The following GLIS3 variants were observed in gnomAD, a reference collection of about 807,000 sequenced individuals.
GLIS3 encodes zinc finger protein GLIS3.
GLIS3 carries 53 observed loss-of-function variants against 78.6 expected under a neutral mutation model. The ratio of observed to expected loss-of-function variants is 0.67; its 90% CI spans 0.54 to 0.85. The LOEUF is 0.85. Ranked by LOEUF, GLIS3 falls within the 40% of genes least tolerant of loss-of-function variation. The pLI, the probability that GLIS3 is intolerant of heterozygous loss-of-function variation, is 0.00. For missense variants in GLIS3, 1,703 were observed against 1,231.1 expected, an observed-to-expected ratio of 1.38 and a Z score of -5.74; for synonymous variants, 684 against 509.9, an observed-to-expected ratio of 1.34 and a Z score of -4.60.
chr9:4,187,907 G>A (rs1347115334), intron 2 of GLIS3, among the ~76,000 whole-genome samples: 1 of 151,838 alleles, frequency 6.6e-6, no homozygotes, highest in African/African-American at 2.4e-5. Context: ...CGGAGACCAT[G>A]GGGTTTTCTA....
intron 4 of GLIS3, among the ~76,000 whole-genome samples, chr9:4,059,829 T>TGAGAGAGAGAGAGAGA (rs1004608610): frequency 3.0e-5 from 3 of 100,648 alleles, no homozygotes; most frequent in African/African-American, 6.8e-5. Flanking sequence ...TGTGTGTGTG[T>TGAGAGAGAGAGAGAGA]GAGAGAGAGA....
At chr9:4,048,053 C>T (rs1220418875) in intron 4 of GLIS3, among the ~76,000 whole-genome samples, 1 of 152,148 alleles carries the variant, frequency 6.6e-6, no homozygotes, top group African/African-American at 2.4e-5. Context: ...TCACTGTGTT[C>T]TCCAATTGAA....
chr9:3,919,420 A>G (rs1229666779), intron 6 of GLIS3, among the ~76,000 whole-genome samples: 2 of 152,144 alleles, frequency 1.3e-5, no homozygotes, highest in East Asian at 1.9e-4. Flanking sequence ...GCTCCCACTT[A>G]TAAGTGAGAA....
In GLIS3 at chr9:4,043,440, G is replaced by A. The variant is rs185990586; in HGVS notation, c.1710+74328C>T. ...GATTGAGCTGTGGTAGGATTCCCAG[G>A]AGATAATCAGGTACGGCTGGTTTGG... is the stretch of plus-strand genomic sequence containing the variant. On this transcript the variant is annotated intron_variant, in intron 4 of 10. Coordinates refer to ENST00000381971, the MANE Select transcript of GLIS3 (RefSeq NM_001042413.2). Among the ~76,000 whole-genome samples the A allele has an allele frequency of 2.0e-5, 3 of 152,216 alleles. No homozygotes were observed. In the East Asian group the frequency reaches 5.8e-4, roughly 29 times the overall value.
At chr9:4,160,285 C>T (rs766248019) in intron 2 of GLIS3, among the ~76,000 whole-genome samples, 3 of 152,224 alleles carry the variant, frequency 2.0e-5, no homozygotes, top group Non-Finnish European at 4.4e-5. Context: ...GAACTGACCA[C>T]GCTGGCACTG....
chr9:3,994,372 C>T (rs575889281), intron 4 of GLIS3, among the ~76,000 whole-genome samples: 5 of 152,260 alleles, frequency 3.3e-5, no homozygotes, highest in African/African-American at 9.6e-5. Flanking sequence ...ATAAGGAATG[C>T]TGGCAAGAGA....
At chr9:3,874,475 C>T (rs1473465072) in intron 8 of GLIS3, among the ~76,000 whole-genome samples, 2 of 152,194 alleles carry the variant, frequency 1.3e-5, no homozygotes, top group East Asian at 3.8e-4. Flanking sequence ...CTGTGAACTG[C>T]TCCAGCAAAT....
At chr9:4,011,895 G>A (rs868373234) in intron 4 of GLIS3, among the ~76,000 whole-genome samples, 1 of 151,878 alleles carries the variant, frequency 6.6e-6, no homozygotes, top group Non-Finnish European at 1.5e-5. Context: ...TTCCAGCACT[G>A]CTTTCAAAAG....
chr9:4,323,836 T>C (rs935651336), intron 2 of GLIS3, among the ~76,000 whole-genome samples: 1 of 152,238 alleles, frequency 6.6e-6, no homozygotes, highest in Admixed American at 6.5e-5. Context: ...AGTTGCTGTT[T>C]GAATGAATCA....
At chr9:4,437,462 ATC>A in the GLIS3 span, among the ~76,000 whole-genome samples, 15 of 107,692 alleles carry the variant, frequency 1.4e-4, no homozygotes, top group Non-Finnish European at 2.6e-4. Flanking sequence ...CTATCTATCT[ATC>A]TATCTATATA....
chr9:4,085,782 C>T (rs1033103064), intron 4 of GLIS3, among the ~76,000 whole-genome samples: 1 of 152,166 alleles, frequency 6.6e-6, no homozygotes, highest in Non-Finnish European at 1.5e-5. Flanking sequence ...CCCACTCTCT[C>T]TCTTGCTCCT....
intron 2 of GLIS3, among the ~76,000 whole-genome samples, chr9:4,335,345 GATCA>G (rs1817742156): frequency 6.6e-6 from 1 of 152,162 alleles, no homozygotes; most frequent in Non-Finnish European, 1.5e-5. Context: ...CTGTGAAATT[GATCA>G]ATTAATTGTA....
chr9:4,097,326 A>G (rs904369771), intron 4 of GLIS3, among the ~76,000 whole-genome samples: 1 of 152,074 alleles, frequency 6.6e-6, no homozygotes, highest in African/African-American at 2.4e-5. Context: ...GTGAAGATCT[A>G]TAACATAACA....
At chr9:4,476,693 CTTGT>C in the GLIS3 span, among the ~76,000 whole-genome samples, 1 of 151,490 alleles carries the variant, frequency 6.6e-6, no homozygotes, top group Non-Finnish European at 1.5e-5. Flanking sequence ...TAATATGGGT[CTTGT>C]TTTTTTTTTA....
chr9:4,314,994 G>A (rs1440093632), intron 2 of GLIS3, among the ~76,000 whole-genome samples: 1 of 152,230 alleles, frequency 6.6e-6, no homozygotes, highest in Non-Finnish European at 1.5e-5. Context: ...ACCATAGCTT[G>A]TGAAGCCATT....
intron 6 of GLIS3, among the ~76,000 whole-genome samples, chr9:3,911,059 CTAAA>C (rs1301102101): frequency 6.6e-6 from 1 of 152,140 alleles, no homozygotes; most frequent in Non-Finnish European, 1.5e-5. Context: ...CTCATACAAC[CTAAA>C]TAGTTAATAG....
At chr9:4,176,458 T>C (rs1189609350) in intron 2 of GLIS3, among the ~76,000 whole-genome samples, 2 of 152,206 alleles carry the variant, frequency 1.3e-5, no homozygotes, top group African/African-American at 2.4e-5. Context: ...TAACACTTCT[T>C]GAAAACTATT....
intron 9 of GLIS3, among the ~76,000 whole-genome samples, chr9:3,850,262 T>A (rs1264890063): frequency 2.6e-5 from 4 of 152,186 alleles, no homozygotes; most frequent in Admixed American, 2.6e-4. Context: ...AGGCGTGTGA[T>A]CTGCCATGAG....
chr9:4,265,506 T>C (rs927950650), intron 2 of GLIS3, among the ~76,000 whole-genome samples: 1 of 152,226 alleles, frequency 6.6e-6, no homozygotes, highest in East Asian at 1.9e-4. Context: ...TGCTGTGCTA[T>C]ATACTGCCTC....
Sources: allele counts gnomAD v4.1 joint callset (sites outside exome capture counted in the v4.1 genomes callset), GRCh38; gene constraint gnomAD v4.1.1; transcripts MANE v1.5; gene names NCBI Gene and HGNC (gene_info 2026-07-23, HGNC 2026-07-21).